Variants in ERICH3 observed in about 807,000 individuals in gnomAD.
ERICH3 encodes glutamate-rich protein 3.
ERICH3 carries 126 observed loss-of-function variants against 131.1 expected under a neutral mutation model. The observed-to-expected ratio is 0.96, with a 90% CI of 0.83 to 1.11. The LOEUF is 1.11. Among genes scored for constraint, ERICH3 ranks in the 50% most tolerant of loss-of-function variants. ERICH3 has a pLI of 0.00. For synonymous variants in ERICH3, 695 were observed against 644.6 expected (o/e 1.08, Z -1.18); for missense variants, 2,050 against 1,810.7 (o/e 1.13, Z -2.40).
intron 10 of ERICH3, among the ~76,000 whole-genome samples, 170 bp from the exon 11 acceptor site, chr1:74,600,101 A>G (rs919512053): frequency 6.6e-6 from 1 of 151,906 alleles, no homozygotes; most frequent in Non-Finnish European, 1.5e-5. Flanking sequence ...AAATGATCAA[A>G]GATTCCAATC....
At chr1:74,625,050 TATTA>T (rs1304802191) in intron 7 of ERICH3, 15 of 152,124 alleles carry the variant, frequency 9.9e-5, no homozygotes, top group Non-Finnish European at 1.5e-4. Flanking sequence ...TAATTTTACC[TATTA>T]ATTTAGCCGG....
At chr1:74,593,000 A>C (rs1209028660) in intron 11 of ERICH3, among the ~76,000 whole-genome samples, 1 of 152,188 alleles carries the variant, frequency 6.6e-6, no homozygotes, top group Non-Finnish European at 1.5e-5. Context: ...TTAGGAGGGA[A>C]AAATTATCTT....
chr1:74,591,709 C>T (rs1334587024), intron 11 of ERICH3, among the ~76,000 whole-genome samples: 1 of 152,134 alleles, frequency 6.6e-6, no homozygotes, highest in East Asian at 1.9e-4. Context: ...ACCATACACA[C>T]TGAATCTCAA....
intron 1 of ERICH3, among the ~76,000 whole-genome samples, chr1:74,666,253 G>C (rs1279915292): frequency 1.3e-5 from 2 of 151,920 alleles, no homozygotes; most frequent in Non-Finnish European, 2.9e-5. Flanking sequence ...AGAGACAAGG[G>C]GATAAAGACA....
intron 7 of ERICH3, among the ~76,000 whole-genome samples, chr1:74,629,998 G>T (rs1174017674): frequency 2.0e-5 from 3 of 152,160 alleles, no homozygotes; most frequent in Non-Finnish European, 1.5e-5. Flanking sequence ...AGTGCATGGT[G>T]CTTGCTTGGT....
At chr1:74,615,583 A>G (rs1377442469) in intron 8 of ERICH3, among the ~76,000 whole-genome samples, 1 of 152,222 alleles carries the variant, frequency 6.6e-6, no homozygotes, top group Non-Finnish European at 1.5e-5. Context: ...ATATCATTAA[A>G]CAGGAGGGGC....
At position 74,571,557 on chromosome 1, in the gene ERICH3, C is replaced by T. The variant is rs1446529726; in HGVS notation, c.4153G>A (p.Glu1385Lys). The T allele has an allele frequency of 1.2e-6, 2 of 1,614,170 alleles. No individual in the cohort carries two copies. The highest frequency in any genetic ancestry group is 1.7e-6 in the Non-Finnish European group (2 of 1,180,014). ...ASSFSDVAEE[E>K]TWHQQDELVG... ...AACTCATCCTGTTGGTGCCAGGTTT[C>T]TTCCTCAGCAACATCTGAAAAGGAG... Residue 1385 changes from glutamate to lysine, a missense_variant, in exon 14 of 15, where the codon GAA becomes AAA. Physicochemically the swap from Glu to Lys is moderately conservative, Grantham distance 56. Coordinates refer to ENST00000326665, the MANE Select transcript of ERICH3 (RefSeq NM_001002912.5).
chr1:74,661,666 C>A (rs926598433), intron 1 of ERICH3, among the ~76,000 whole-genome samples: 3 of 152,070 alleles, frequency 2.0e-5, no homozygotes, highest in African/African-American at 7.2e-5. Flanking sequence ...AGAATTAAAT[C>A]CTAAAGACTT....
chr1:74,579,928 T>C, intron 12 of ERICH3: 1 of 957,542 alleles, frequency 1.0e-6, no homozygotes, highest in Non-Finnish European at 1.2e-6. Flanking sequence ...TTTTTTTCAC[T>C]CAAATGATAT....
chr1:74,620,678 G>C, intron 8 of ERICH3, 56 bp downstream of exon 8: 3 of 1,384,600 alleles, frequency 2.2e-6, no homozygotes, highest in Non-Finnish European at 2.9e-6. Context: ...ATCAACAGCA[G>C]CTTATCTATA....
intron 2 of ERICH3, among the ~76,000 whole-genome samples, chr1:74,647,595 G>A (rs1296500389): frequency 6.6e-6 from 1 of 152,016 alleles, no homozygotes; most frequent in Non-Finnish European, 1.5e-5. Flanking sequence ...CTTCCTGTGG[G>A]CATATTTGTT....
chr1:74,632,824 C>A (rs1646353224), intron 6 of ERICH3, among the ~76,000 whole-genome samples: 1 of 151,704 alleles, frequency 6.6e-6, no homozygotes, highest in Non-Finnish European at 1.5e-5. Flanking sequence ...GTGTGGCTAC[C>A]TTTAGGGATA....
At chr1:74,629,957 A>G (rs1223874803) in intron 7 of ERICH3, among the ~76,000 whole-genome samples, 7 of 152,156 alleles carry the variant, frequency 4.6e-5, no homozygotes, top group Non-Finnish European at 8.8e-5. Flanking sequence ...CTCTTGCATA[A>G]TATGATAGAG....
chr1:74,621,258 T>C (rs1396625792), intron 7 of ERICH3: 1 of 160,458 alleles, frequency 6.2e-6, no homozygotes, highest in Admixed American at 6.4e-5. Context: ...GAAGAAACTT[T>C]TGCCTCTGTT....
At chr1:74,665,153 T>C (rs1646678203) in intron 1 of ERICH3, among the ~76,000 whole-genome samples, 1 of 151,714 alleles carries the variant, frequency 6.6e-6, no homozygotes, top group South Asian at 2.1e-4. Context: ...TTCTGCCATG[T>C]GAGGGCCCAG....
chr1:74,630,353 T>C (rs976748294), intron 7 of ERICH3, among the ~76,000 whole-genome samples: 2 of 152,176 alleles, frequency 1.3e-5, no homozygotes, highest in Admixed American at 6.5e-5. Flanking sequence ...TCCTACTCCA[T>C]TGAGGTCAGT....
At chr1:74,608,188 C>T (rs1280212966) in intron 9 of ERICH3, among the ~76,000 whole-genome samples, 1 of 151,982 alleles carries the variant, frequency 6.6e-6, no homozygotes, top group Non-Finnish European at 1.5e-5. Context: ...AAATGTTACA[C>T]TTTGAGCTTA....
Position 74,585,304 on chromosome 1 carries a change from C to T in ERICH3, c.2176+4327G>A, listed in dbSNP as rs139570498. On this transcript the variant is annotated intron_variant, in intron 12 of 14. Coordinates refer to ENST00000326665, the MANE Select transcript of ERICH3 (RefSeq NM_001002912.5). Reference sequence around the variant, plus strand: ...ACCCAAGAACACTGTCTGATTGCAGCTAGCAATTATAATCTTTTACTTTAT... The same window carrying T: ...ACCCAAGAACACTGTCTGATTGCAGTTAGCAATTATAATCTTTTACTTTAT... 1.4e-3 allele frequency among the ~76,000 whole-genome samples: 219 copies of T among 152,278 alleles called. 2 individuals carry two copies. Among genetic ancestry groups the T allele is most frequent in the Admixed American group, 8.7e-3 (133 of 15,290 alleles).
At chr1:74,593,869 C>T (rs1216064155) in intron 11 of ERICH3, among the ~76,000 whole-genome samples, 2 of 152,022 alleles carry the variant, frequency 1.3e-5, no homozygotes, top group Non-Finnish European at 2.9e-5. Flanking sequence ...GCAATAAAAC[C>T]AAGACCCTTC....
Sources: gnomAD v4.1 joint callset for allele counts (sites outside exome capture counted in the v4.1 genomes callset) on GRCh38, gnomAD v4.1.1 for gene constraint, MANE v1.5 for transcripts, NCBI Gene and HGNC (gene_info 2026-07-23, HGNC 2026-07-21) for gene names.